TJP1: variants seen among roughly 807,000 people sequenced by gnomAD.
TJP1 encodes the protein tight junction protein 1.
TJP1 carries 43 observed loss-of-function variants against 194.2 expected under a neutral mutation model. That is an observed-to-expected ratio of 0.22 (90% CI 0.17 to 0.29). The LOEUF (loss-of-function observed/expected upper bound fraction) is 0.29. Ranked by LOEUF, TJP1 falls within the 10% of genes least tolerant of loss-of-function variation. The probability of loss-of-function intolerance (pLI) is 1.00; values close to 1 mark genes in which losing one functional copy is unlikely to be tolerated. For missense variants in TJP1, 1,971 were observed against 2,185.7 expected (o/e 0.90, Z 1.96); for synonymous variants, 801 against 779.0 (o/e 1.03, Z -0.47).
At chr15:29,968,124 G>A (rs1596341276) in intron 1 of TJP1, 6 of 985,456 alleles carry the variant, frequency 6.1e-6, no homozygotes, top group Non-Finnish European at 7.2e-6. Context: ...CCAGGTCGGA[G>A]GAACTGGAAC....
At chr15:29,734,477 A>G in intron 11 of TJP1, 95 bp from the exon 12 acceptor site, 3 of 932,934 alleles carry the variant, frequency 3.2e-6, no homozygotes, top group Non-Finnish European at 4.7e-6. Context: ...CCTAATTTGA[A>G]AATATCACAT....
chr15:29,740,271 G>A (rs772047433), intron 10 of TJP1, among the ~76,000 whole-genome samples: 1 of 151,992 alleles, frequency 6.6e-6, no homozygotes, highest in Non-Finnish European at 1.5e-5. Flanking sequence ...CACTGCGCCC[G>A]GCCCGGAATT....
intron 2 of TJP1, among the ~76,000 whole-genome samples, chr15:29,907,836 A>G (rs1388034951): frequency 6.6e-6 from 1 of 151,858 alleles, no homozygotes; most frequent in African/African-American, 2.4e-5. Flanking sequence ...CTCCCTATGC[A>G]GAGATGTTGA....
intron 2 of TJP1, among the ~76,000 whole-genome samples, chr15:29,945,776 AACACACAC>A (rs371167321): frequency 6.7e-5 from 10 of 150,100 alleles, no homozygotes; most frequent in East Asian, 3.9e-4. Flanking sequence ...AAGGCTATTA[AACACACAC>A]ACACACACAC....
At chr15:29,735,676 A>C (rs990246515) in intron 11 of TJP1, among the ~76,000 whole-genome samples, 12 of 152,104 alleles carry the variant, frequency 7.9e-5, no homozygotes, top group African/African-American at 2.9e-4. Flanking sequence ...GTAAGAAAAT[A>C]GGTCTCTTTA....
At chr15:29,754,862 T>G (rs1172729780) in intron 8 of TJP1, among the ~76,000 whole-genome samples, 1 of 152,178 alleles carries the variant, frequency 6.6e-6, no homozygotes, top group Non-Finnish European at 1.5e-5. Flanking sequence ...AACCTGTATG[T>G]AAGTTTCAGA....
At chr15:29,899,005 T>C (rs527937100) in intron 2 of TJP1, among the ~76,000 whole-genome samples, 2 of 152,282 alleles carry the variant, frequency 1.3e-5, no homozygotes, top group East Asian at 1.9e-4. Flanking sequence ...TATAAACAGA[T>C]GAAATAAGAA....
At chr15:29,939,468 C>T (rs1227184603) in intron 2 of TJP1, among the ~76,000 whole-genome samples, 1 of 152,176 alleles carries the variant, frequency 6.6e-6, no homozygotes. Context: ...CCAGAGCCTA[C>T]ACCTGATTTA....
In TJP1 at chr15:29,708,585, G is replaced by A. The variant is rs2151020892; in HGVS notation, c.4824C>T (p.Ser1608=). Residue 1608 remains serine, a synonymous_variant, in exon 25 of 28, where the codon AGC becomes AGT. Coordinates refer to ENST00000614355, the MANE Select transcript of TJP1 (RefSeq NM_001330239.4). ...EKPKYQINNI[S]TVPKAIPVSP... is the part of the protein sequence containing the mutation. ...TCACAGGAATAGCTTTAGGCACTGT[G>A]CTGATATTATTTATTTGATATTTAG... 2 of 1,613,268 alleles carry A rather than the reference G, an allele frequency of 1.2e-6. No individual in the cohort carries two copies. The highest frequency in any genetic ancestry group is 3.3e-4 in the Middle Eastern group (2 of 6,058).
At position 29,726,323 on chromosome 15, in the gene TJP1, C is replaced by T. The variant is rs1595647637; in HGVS notation, c.2412+56G>A. On this transcript the variant is annotated intron_variant, in intron 18 of 27. Coordinates refer to ENST00000614355, the MANE Select transcript of TJP1 (RefSeq NM_001330239.4). ...AAGCACTGGTATCTCAAAAGCATCT[C>T]TGATTAGTTACATAATTTACTGAAC... 5 of 1,404,680 alleles carry T rather than the reference C, an allele frequency of 3.6e-6. No homozygotes were observed. The East Asian group carries it at 1.1e-4, about 32-fold the overall frequency. 87.0% of individuals were successfully genotyped at this position (1,404,680 alleles called of 1,614,324 possible).
At chr15:29,844,800 G>A (rs1027494417) in intron 2 of TJP1, among the ~76,000 whole-genome samples, 7 of 152,138 alleles carry the variant, frequency 4.6e-5, no homozygotes, top group African/African-American at 1.7e-4. Flanking sequence ...GAAATATTCA[G>A]GTTGGAGGTA....
chr15:29,822,993 G>A (rs2050524065), upstream of TJP1: 1 of 152,310 alleles, frequency 6.6e-6, no homozygotes. Flanking sequence ...CAGAAGCGTT[G>A]CTCTCGTTCA....
intron 1 of TJP1, among the ~76,000 whole-genome samples, chr15:29,813,915 A>G (rs2049713187): frequency 6.6e-6 from 1 of 152,220 alleles, no homozygotes. Flanking sequence ...TTAGGAATCC[A>G]AATTGTTACA....
intron 2 of TJP1, among the ~76,000 whole-genome samples, chr15:29,914,659 C>T (rs769553178): frequency 6.4e-4 from 98 of 152,128 alleles, no homozygotes; most frequent in Non-Finnish European, 1.2e-3. Flanking sequence ...ATATGGGAGT[C>T]GAGAGGGCTG....
chr15:29,757,637 G>A (rs1159061785), intron 8 of TJP1, among the ~76,000 whole-genome samples: 3 of 152,136 alleles, frequency 2.0e-5, no homozygotes, highest in Non-Finnish European at 4.4e-5. Flanking sequence ...TCTGTAGGCA[G>A]ATTACTAAAT....
intron 2 of TJP1, among the ~76,000 whole-genome samples, chr15:29,855,940 G>C (rs1217646634): frequency 2.0e-5 from 3 of 152,010 alleles, no homozygotes; most frequent in Admixed American, 2.0e-4. Context: ...GGACATAAAG[G>C]TACACTTATT....
chr15:29,815,565 T>C (rs959499902), intron 1 of TJP1, among the ~76,000 whole-genome samples: 2 of 152,244 alleles, frequency 1.3e-5, no homozygotes, highest in Non-Finnish European at 2.9e-5. Flanking sequence ...ACGTGAATGC[T>C]TTCAGGCAGG....
chr15:29,737,680 A>G (rs889072221), intron 10 of TJP1, among the ~76,000 whole-genome samples: 1 of 152,220 alleles, frequency 6.6e-6, no homozygotes, highest in African/African-American at 2.4e-5. Context: ...ACTTTGTAAA[A>G]CAATGTTTTC....
intron 2 of TJP1, among the ~76,000 whole-genome samples, chr15:29,790,915 T>C (rs2048036418): frequency 6.6e-6 from 1 of 152,184 alleles, no homozygotes; most frequent in African/African-American, 2.4e-5. Flanking sequence ...ATGGAACATA[T>C]TTACATTTTC....
Sources: gnomAD v4.1 joint callset for allele counts (sites outside exome capture counted in the v4.1 genomes callset) on GRCh38, gnomAD v4.1.1 for gene constraint, MANE v1.5 for transcripts, NCBI Gene and HGNC (gene_info 2026-07-23, HGNC 2026-07-21) for gene names.